The following RAI1 variants were observed in gnomAD, a reference collection of about 807,000 sequenced individuals.
RAI1 encodes retinoic acid induced 1, also known as retinoic acid-induced protein 1.
A neutral mutation model predicts 123.8 loss-of-function variants in RAI1; 9 were observed. The ratio of observed to expected loss-of-function variants is 0.07; its 90% CI spans 0.04 to 0.13. The LOEUF is 0.13. Ranked by LOEUF, RAI1 falls within the 10% of genes least tolerant of loss-of-function variation. RAI1 has a pLI of 1.00. For synonymous variants in RAI1, 1,231 were observed against 1,127.3 expected (o/e 1.09, Z -1.84); for missense variants, 2,256 against 2,545.8 (o/e 0.89, Z 2.45).
chr17:17,784,845 C>T (rs1021159323), intron 2 of RAI1, among the ~76,000 whole-genome samples: 2 of 152,298 alleles, frequency 1.3e-5, no homozygotes, highest in South Asian at 2.1e-4. Context: ...TCGGGGAAGG[C>T]CCAGAGAATT....
intron 2 of RAI1, among the ~76,000 whole-genome samples, chr17:17,741,313 AC>A (rs747537763): frequency 1.6e-4 from 24 of 152,290 alleles, no homozygotes; most frequent in Non-Finnish European, 3.5e-4. Context: ...TTCTGGAGTT[AC>A]CTTAGTTACC....
chr17:17,710,484 C>T (rs1424213420), intron 1 of RAI1, among the ~76,000 whole-genome samples: 3 of 152,258 alleles, frequency 2.0e-5, no homozygotes, highest in African/African-American at 7.2e-5. Flanking sequence ...CAGAGACCCT[C>T]CTGGCCCTGG....
chr17:17,773,877 T>C (rs1455101623), intron 2 of RAI1, among the ~76,000 whole-genome samples: 1 of 152,216 alleles, frequency 6.6e-6, no homozygotes, highest in Admixed American at 6.5e-5. Flanking sequence ...TGAGTTATAA[T>C]AGGCACATAA....
intron 2 of RAI1, among the ~76,000 whole-genome samples, chr17:17,784,783 C>T (rs550214677): frequency 2.6e-4 from 40 of 152,232 alleles, no homozygotes; most frequent in Non-Finnish European, 3.8e-4. Context: ...GGATTGGTGC[C>T]ATGAGGACAG....
At chr17:17,722,822 G>GGC (rs1267032108) in intron 1 of RAI1, among the ~76,000 whole-genome samples, 1 of 147,094 alleles carries the variant, frequency 6.8e-6, no homozygotes, top group Non-Finnish European at 1.5e-5. Context: ...GCGCGATGAA[G>GGC]GCCCCCCTCT....
intron 2 of RAI1, among the ~76,000 whole-genome samples, chr17:17,748,726 G>A (rs1481378152): frequency 6.6e-6 from 1 of 152,180 alleles, no homozygotes; most frequent in East Asian, 1.9e-4. Flanking sequence ...ATGTCGGTGG[G>A]GCACTGTGGT....
In RAI1 at chr17:17,794,435, C is replaced by T. The variant is rs200903510; in HGVS notation, c.1487C>T (p.Pro496Leu). The T allele has an allele frequency of 1.5e-5, 24 of 1,612,782 alleles. No homozygotes were observed. Among genetic ancestry groups the T allele is most frequent in the Admixed American group, 1.2e-4 (7 of 59,996 alleles). ...SGYSAEPAGT[P>L]LSEPPSSTPQ... ...TACTCAGCCGAGCCCGCAGGCACAC[C>T]GCTGTCAGAGCCGCCGAGCAGCACG... The change falls in exon 3 of 6, where the codon CCG becomes CTG. Residue 496 changes from proline to leucine, a missense_variant. Pro to Leu is a moderately conservative substitution (Grantham distance 98). This residue lies in a region of RAI1 where 357 missense variants were observed against 480.2 expected (regional missense o/e 0.74). Coordinates refer to ENST00000353383, the MANE Select transcript of RAI1 (RefSeq NM_030665.4).
In RAI1 at chr17:17,810,378, TG is replaced by T. The variant is rs1304973329; in HGVS notation, c.*400del. On this transcript the variant is annotated 3_prime_UTR_variant, in exon 6 of 6. Coordinates refer to ENST00000353383, the MANE Select transcript of RAI1 (RefSeq NM_030665.4). This position sits in a 1 kb window ranked among gnomAD's most constrained non-coding sequence, Gnocchi z 4.6. ...AAGACGACGTGGCACACATTCCACG[TG>T]GGTGCTGCCGCCACCCCAGTCGGTC... 1.5e-5 allele frequency: 4 copies of T among 263,520 alleles called. No homozygotes were observed. The highest frequency in any genetic ancestry group is 2.9e-5 in the Non-Finnish European group (4 of 136,776). 16.3% of individuals were successfully genotyped at this position (263,520 alleles called of 1,614,324 possible).
chr17:17,809,876 C>G lies in RAI1; in HGVS notation c.5710-94C>G. 6.5e-7 allele frequency: 1 copy of G among 1,536,088 alleles called. No homozygotes were observed. The highest frequency in any genetic ancestry group is 8.8e-7 in the Non-Finnish European group (1 of 1,137,482). ...AGCCGCGCTCTGGGGTCGCCTGGGT[C>G]TGGGGCTTAGGCGGGGGGCCCACAC... On this transcript the variant is annotated intron_variant, in intron 5 of 5. Transcript: ENST00000353383. This position sits in a 1 kb window ranked among gnomAD's most constrained non-coding sequence, Gnocchi z 4.9.
rs1914608166 is a variant in RAI1, at chr17:17,685,841, C to T, written c.-149+4048C>T. Among the ~76,000 whole-genome samples, 1 of 152,210 alleles carries T rather than the reference C, an allele frequency of 6.6e-6. No individual in the cohort carries two copies. Among genetic ancestry groups the T allele is most frequent in the South Asian group, 2.1e-4 (1 of 4,832 alleles). On this transcript the variant is annotated intron_variant, in intron 1 of 5. Transcript: ENST00000353383. The surrounding 1 kb of genome is among the most constrained non-coding windows in gnomAD (Gnocchi z 4.0). ...CTGTCCCCTCCAGCCACAGCTGGCACCTCCTTGTTAAGGTGCAGCCATGTG... is the reference window on the plus strand; with the variant it reads ...CTGTCCCCTCCAGCCACAGCTGGCATCTCCTTGTTAAGGTGCAGCCATGTG...
chr17:17,796,995 A>T lies in RAI1; in HGVS notation c.4047A>T (p.Pro1349=). The change falls in exon 3 of 6, where the codon CCA becomes CCT. Residue 1349 remains proline, a synonymous_variant. Transcript: ENST00000353383. This position sits in a 1 kb window ranked among gnomAD's most constrained non-coding sequence, Gnocchi z 5.8. ...PSLKKFACKA[P]GASPGNPLSP... ...TCAAGAAGTTCGCATGTAAAGCGCCAGGGGCCTCTCCTGGTAATCCTCTGA... is the reference window on the plus strand; with the variant it reads ...TCAAGAAGTTCGCATGTAAAGCGCCTGGGGCCTCTCCTGGTAATCCTCTGA... The T allele has an allele frequency of 2.5e-6, 4 of 1,613,866 alleles. No individual in the cohort carries two copies. The South Asian group carries it at 4.4e-5, about 18-fold the overall frequency.
chr17:17,746,634 C>CTTTTTTTTTT (rs377692656), intron 2 of RAI1, among the ~76,000 whole-genome samples: 24 of 120,386 alleles, frequency 2.0e-4, no homozygotes, highest in South Asian at 2.6e-4. Flanking sequence ...CTTTTCTTTT[C>CTTTTTTTTTT]TTTTTTTTTT....
At chr17:17,782,518 C>A (rs1429426899) in intron 2 of RAI1, among the ~76,000 whole-genome samples, 1 of 150,950 alleles carries the variant, frequency 6.6e-6, no homozygotes, top group African/African-American at 2.4e-5. Flanking sequence ...CAGGACCGGG[C>A]GCATCTGGCA....
rs964217997 is a variant in RAI1 at position 17,810,933 on chromosome 17, A to C, written c.*952A>C. On this transcript the variant is annotated 3_prime_UTR_variant, in exon 6 of 6. Transcript: ENST00000353383. The surrounding 1 kb of genome is among the most constrained non-coding windows in gnomAD (Gnocchi z 4.6). Reference sequence around the variant, plus strand: ...TCTATATATATGTTACATAGAATGTATATATGTTGGGAACATGCTCGCTTC... The same window carrying C: ...TCTATATATATGTTACATAGAATGTCTATATGTTGGGAACATGCTCGCTTC... 3 of 355,948 alleles carry C rather than the reference A, an allele frequency of 8.4e-6. No homozygotes were observed. Among genetic ancestry groups the C allele is most frequent in the Non-Finnish European group, 1.7e-5 (3 of 172,418 alleles). The allele number at this position is 355,948 out of a possible 1,614,324, so 22.0% of individuals were successfully genotyped here.
At chr17:17,712,319 C>A (rs924707347) in intron 1 of RAI1, among the ~76,000 whole-genome samples, 1 of 152,208 alleles carries the variant, frequency 6.6e-6, no homozygotes, top group Non-Finnish European at 1.5e-5. Flanking sequence ...GGAAGCAGGG[C>A]TCCAGAACAG....
Position 17,810,143 on chromosome 17 carries a change from G to T in RAI1, c.*162G>T. 1 of 1,054,804 alleles carries T rather than the reference G, an allele frequency of 9.5e-7. No individual in the cohort carries two copies. The allele number at this position is 1,054,804 out of a possible 1,614,324, so 65.3% of individuals were successfully genotyped here. A position where few individuals can be genotyped will look rare whatever the true frequency, so the allele number is the denominator to read the frequency against. ...CCCGGATCGTGGATCCGGCCGCCTAGGGCTCAGACTTGCGGCCCCGGGTTG... is the reference window on the plus strand; with the variant it reads ...CCCGGATCGTGGATCCGGCCGCCTATGGCTCAGACTTGCGGCCCCGGGTTG... On this transcript the variant is annotated 3_prime_UTR_variant, in exon 6 of 6. Transcript: ENST00000353383. This position sits in a 1 kb window ranked among gnomAD's most constrained non-coding sequence, Gnocchi z 4.6.
rs940364684 is a variant in RAI1, at chr17:17,778,222, C to T, written c.-16-14711C>T. 2.9e-4 allele frequency: 47 copies of T among 161,002 alleles called. 1 individual carries two copies. Among genetic ancestry groups the T allele is most frequent in the East Asian group, 1.8e-4 (1 of 5,612 alleles). The allele number at this position is 161,002 out of a possible 1,614,324, so 10.0% of individuals were successfully genotyped here. A position where few individuals can be genotyped will look rare whatever the true frequency, so the allele number is the denominator to read the frequency against. ...ACTCTACCTGCCTGCAGGTACAGGC[C>T]GCTGCTCTATGGGCAGACCTCAACC... On this transcript the variant is annotated intron_variant, in intron 2 of 5. Coordinates refer to ENST00000353383, the MANE Select transcript of RAI1 (RefSeq NM_030665.4).
rs559339485 is a variant in RAI1, at chr17:17,710,463, A to AG, written c.-148-13560dup. On this transcript the variant is annotated intron_variant, in intron 1 of 5. Coordinates refer to ENST00000353383, the MANE Select transcript of RAI1 (RefSeq NM_030665.4). ...TGCTCCATCCCCCACCCCAGAGTAC[A>AG]GGGGGCTGCCCAGAGACCCTCCTGG... Among the ~76,000 whole-genome samples the AG allele has an allele frequency of 2.1e-4, 32 of 152,308 alleles. No homozygotes were observed. The East Asian group carries it at 4.8e-3, about 23-fold the overall frequency.
At chr17:17,775,295 C>T (rs1323836960) in intron 2 of RAI1, among the ~76,000 whole-genome samples, 2 of 151,306 alleles carry the variant, frequency 1.3e-5, no homozygotes, top group Non-Finnish European at 2.9e-5. Context: ...CCTGGACCTC[C>T]CAGGCTCAGG....
Sources: allele counts gnomAD v4.1 joint callset (sites outside exome capture counted in the v4.1 genomes callset), GRCh38; gene constraint gnomAD v4.1.1; regional missense constraint gnomAD v4.1.1; non-coding constraint Gnocchi (gnomAD v3.1); transcripts MANE v1.5; gene names NCBI Gene and HGNC (gene_info 2026-07-23, HGNC 2026-07-21).